The following NREP variants were observed in gnomAD, a reference collection of about 807,000 sequenced individuals.
The protein encoded by NREP is neuronal regeneration related protein.
NREP carries 5 observed loss-of-function variants against 8.6 expected under a neutral mutation model. The observed-to-expected ratio is 0.58, with a 90% CI of 0.30 to 1.22. The LOEUF (loss-of-function observed/expected upper bound fraction) is 1.22. Among genes scored for constraint, NREP ranks in the 50% most tolerant of loss-of-function variants. The probability of loss-of-function intolerance (pLI) is 0.07; values close to 1 mark genes in which losing one functional copy is unlikely to be tolerated. For missense variants in NREP, 86 were observed against 82.5 expected, an observed-to-expected ratio of 1.04 and a Z score of -0.17; for synonymous variants, 27 against 28.0, an observed-to-expected ratio of 0.96 and a Z score of 0.11.
chr5:111,741,556 T>C (rs1352368745), intron 2 of NREP, among the ~76,000 whole-genome samples: 1 of 152,136 alleles, frequency 6.6e-6, no homozygotes, highest in Non-Finnish European at 1.5e-5. Flanking sequence ...TGCCAAAAGA[T>C]GATGCACTGT....
intron 2 of NREP, among the ~76,000 whole-genome samples, chr5:111,950,245 C>T (rs140181363): frequency 7.7e-4 from 117 of 152,096 alleles, no homozygotes; most frequent in African/African-American, 2.5e-3. Flanking sequence ...CCATACCATA[C>T]GCCTACAACC....
intron 2 of NREP, among the ~76,000 whole-genome samples, chr5:111,811,479 C>G (rs889288362): frequency 3.3e-5 from 5 of 152,106 alleles, no homozygotes; most frequent in African/African-American, 1.2e-4. Context: ...TTTGCTATAC[C>G]TTTCATACAC....
At chr5:111,775,361 G>A (rs1751331683) in intron 2 of NREP, among the ~76,000 whole-genome samples, 1 of 152,070 alleles carries the variant, frequency 6.6e-6, no homozygotes, top group African/African-American at 2.4e-5. Flanking sequence ...TGTGACTTGT[G>A]GGCTGCCCTA....
At chr5:111,781,292 T>C (rs936062506) in intron 2 of NREP, among the ~76,000 whole-genome samples, 2 of 152,302 alleles carry the variant, frequency 1.3e-5, no homozygotes, top group African/African-American at 4.8e-5. Context: ...TCTGGCTCTT[T>C]CTTGCTTCCT....
At chr5:111,800,780 T>C (rs1208887118) in intron 2 of NREP, among the ~76,000 whole-genome samples, 1 of 152,234 alleles carries the variant, frequency 6.6e-6, no homozygotes, top group African/African-American at 2.4e-5. Flanking sequence ...TATTAGCCAA[T>C]CTGCTCAAGA....
chr5:111,957,476 C>T (rs994744157), intron 2 of NREP, among the ~76,000 whole-genome samples: 1 of 151,830 alleles, frequency 6.6e-6, no homozygotes, highest in Non-Finnish European at 1.5e-5. Context: ...ACAAATAATA[C>T]CTATCTTATA....
intron 2 of NREP, among the ~76,000 whole-genome samples, chr5:111,751,347 G>T (rs1168834736): frequency 5.3e-5 from 8 of 152,080 alleles, no homozygotes; most frequent in Non-Finnish European, 1.0e-4. Flanking sequence ...AACCATTAGG[G>T]CTGTTAATAC....
rs541871505 is a variant in NREP, at chr5:111,950,557, C to T, written c.135+24717G>A. ...CCAAAATTGACAAATGGGATTTAAT[C>T]AAAGTAAAGAGCTTCTGCACGCAAA... On this transcript the variant is annotated intron_variant, in intron 2 of 3. Coordinates refer to the NREP transcript ENST00000395634. 4.2e-4 allele frequency among the ~76,000 whole-genome samples: 63 copies of T among 151,020 alleles called. No individual in the cohort carries two copies. The Middle Eastern group carries it at 0.014, about 33-fold the overall frequency.
At chr5:111,834,706 A>G (rs936795136) in intron 2 of NREP, among the ~76,000 whole-genome samples, 5 of 152,138 alleles carry the variant, frequency 3.3e-5, no homozygotes, top group African/African-American at 9.7e-5. Flanking sequence ...GGAACCTTGG[A>G]CAGATTACCT....
intron 2 of NREP, among the ~76,000 whole-genome samples, chr5:111,844,047 TAGAA>T (rs1468734984): frequency 8.5e-5 from 13 of 152,170 alleles, no homozygotes; most frequent in African/African-American, 3.1e-4. Flanking sequence ...ATAGGTATAA[TAGAA>T]AGGTATATCA....
At chr5:111,918,059 C>A (rs1755115417) in intron 2 of NREP, among the ~76,000 whole-genome samples, 1 of 152,028 alleles carries the variant, frequency 6.6e-6, no homozygotes. Flanking sequence ...TCCTAGACAC[C>A]AATAATAGAC....
At chr5:111,895,207 C>T (rs76529430) in intron 2 of NREP, among the ~76,000 whole-genome samples, 2,938 of 152,262 alleles carry the variant, frequency 0.019, 48 homozygotes, top group Non-Finnish European at 0.027. Context: ...CCTTGCTACA[C>T]CCTTTAGAGA....
chr5:111,847,692 T>C (rs956698489), intron 2 of NREP, among the ~76,000 whole-genome samples: 1 of 152,108 alleles, frequency 6.6e-6, no homozygotes, highest in South Asian at 2.1e-4. Flanking sequence ...CAAGGTCAAA[T>C]TTCTAAATTT....
intron 2 of NREP, among the ~76,000 whole-genome samples, chr5:111,912,941 G>C (rs1170898667): frequency 6.6e-6 from 1 of 152,104 alleles, no homozygotes; most frequent in African/African-American, 2.4e-5. Context: ...AAGTGTTTAA[G>C]AAATATTTGT....
At chr5:111,884,316 A>G (rs1754177010) in intron 2 of NREP, among the ~76,000 whole-genome samples, 1 of 151,928 alleles carries the variant, frequency 6.6e-6, no homozygotes, top group African/African-American at 2.4e-5. Flanking sequence ...AGGAGCTGAA[A>G]TTGTGGCAAT....
upstream of NREP, among the ~76,000 whole-genome samples, chr5:111,758,652 A>G (rs540504491): frequency 6.6e-6 from 1 of 152,324 alleles, no homozygotes; most frequent in African/African-American, 2.4e-5. Flanking sequence ...TCCCCTAATC[A>G]CTGAAAGCAA....
At chr5:111,877,468 T>G (rs1168535145) in intron 2 of NREP, among the ~76,000 whole-genome samples, 1 of 152,216 alleles carries the variant, frequency 6.6e-6, no homozygotes, top group Non-Finnish European at 1.5e-5. Flanking sequence ...AAATAGAGAT[T>G]TGCTTGCTGT....
intron 2 of NREP, among the ~76,000 whole-genome samples, chr5:111,917,610 C>G (rs941690472): frequency 1.3e-5 from 2 of 152,140 alleles, no homozygotes; most frequent in Non-Finnish European, 2.9e-5. Flanking sequence ...GATAAAACCA[C>G]CTGATTATCT....
At chr5:111,734,462 G>A in intron 3 of NREP, 1 of 332,068 alleles carries the variant, frequency 3.0e-6, no homozygotes. Flanking sequence ...CTACTTTCCT[G>A]CCAGTGATTT....
Sources: allele counts gnomAD v4.1 joint callset (sites outside exome capture counted in the v4.1 genomes callset), GRCh38; gene constraint gnomAD v4.1.1; transcripts MANE v1.5; gene names NCBI Gene and HGNC (gene_info 2026-07-23, HGNC 2026-07-21).